Variants in CNKSR3 observed in about 807,000 individuals in gnomAD.
The protein encoded by CNKSR3 is CNKSR family member 3.
CNKSR3 carries 36 observed loss-of-function variants against 67.7 expected under a neutral mutation model. The ratio of observed to expected loss-of-function variants is 0.53; its 90% CI spans 0.41 to 0.70. The LOEUF (loss-of-function observed/expected upper bound fraction) is 0.70, where lower values mean the gene tolerates loss of function less well. CNKSR3 is among the 30% of genes least tolerant of loss of function. The probability of loss-of-function intolerance (pLI) is 0.00; values close to 1 mark genes in which losing one functional copy is unlikely to be tolerated. For synonymous variants in CNKSR3, 281 were observed against 271.4 expected, an observed-to-expected ratio of 1.04 and a Z score of -0.35; for missense variants, 630 against 695.2, an observed-to-expected ratio of 0.91 and a Z score of 1.05.
chr6:154,503,081 C>T (rs560666213), intron 1 of CNKSR3, among the ~76,000 whole-genome samples: 3 of 152,126 alleles, frequency 2.0e-5, no homozygotes, highest in African/African-American at 4.8e-5. Context: ...TTTAGAACTG[C>T]CATGGTTATT....
In CNKSR3 at chr6:154,485,091, CAACTTTTAAGTTCAAAGTACA is replaced by C. The variant is rs561271783; in HGVS notation, c.52+24951_52+24971del. On this transcript the variant is annotated intron_variant, in intron 1 of 12. Transcript: ENST00000607772. Reference sequence around the variant, plus strand: ...TATGGGAATTTTTGGTGGATTTTTTCAACTTTTAAGTTCAAAGTACAAGTTTGAAAACTGACAGCATCTAAA... The same window carrying C: ...TATGGGAATTTTTGGTGGATTTTTTCAGTTTGAAAACTGACAGCATCTAAA... Among the ~76,000 whole-genome samples the C allele has an allele frequency of 5.6e-4, 86 of 152,238 alleles. 3 individuals carry two copies. The South Asian group carries it at 0.017, about 31-fold the overall frequency.
In CNKSR3 at chr6:154,480,868, C is replaced by T. The variant is rs76337611; in HGVS notation, c.52+29195G>A. On this transcript the variant is annotated intron_variant, in intron 1 of 12. Coordinates refer to ENST00000607772, the MANE Select transcript of CNKSR3 (RefSeq NM_173515.4). ...TATCTTTAAGAAATTTATTTGATAG[C>T]AGTCTTATGCTTATTTATTTGATAG... 1.4e-3 allele frequency among the ~76,000 whole-genome samples: 217 copies of T among 152,316 alleles called. 8 individuals carry two copies. The East Asian group carries it at 0.039, about 27-fold the overall frequency.
intron 1 of CNKSR3, among the ~76,000 whole-genome samples, chr6:154,466,455 C>T (rs990759721): frequency 2.0e-5 from 3 of 152,078 alleles, no homozygotes; most frequent in Non-Finnish European, 4.4e-5. Context: ...TATTGTAAAC[C>T]CTGACTGAGG....
chr6:154,460,920 G>A lies in CNKSR3; in HGVS notation c.53-10662C>T, dbSNP rs973779308. 2.6e-5 allele frequency among the ~76,000 whole-genome samples: 4 copies of A among 152,256 alleles called. No individual in the cohort carries two copies. The South Asian group carries it at 6.2e-4, about 24-fold the overall frequency. On this transcript the variant is annotated intron_variant, in intron 1 of 12. Transcript: ENST00000607772. ...AGTGTCAAGTTGGGCGAGTTCTACC[G>A]TATGGAGGTGAGCACATCCATCACT...
chr6:154,474,644 C>T (rs765783835), intron 1 of CNKSR3, among the ~76,000 whole-genome samples: 1 of 152,104 alleles, frequency 6.6e-6, no homozygotes, highest in East Asian at 1.9e-4. Context: ...GGCAGCTGGG[C>T]CATCCGGATG....
At chr6:154,502,376 T>TG (rs5881091) in intron 1 of CNKSR3, among the ~76,000 whole-genome samples, 5 of 151,018 alleles carry the variant, frequency 3.3e-5, no homozygotes, top group African/African-American at 9.7e-5. Flanking sequence ...TTTTTTTTTT[T>TG]AGTAGAGACG....
intron 1 of CNKSR3, among the ~76,000 whole-genome samples, chr6:154,486,289 C>CTTTT (rs1480566559): frequency 4.3e-4 from 64 of 149,950 alleles, no homozygotes; most frequent in African/African-American, 1.5e-3. Context: ...TTTTCTCTCT[C>CTTTT]TCTCTTTTTC....
At chr6:154,420,993 G>C (rs1785132498) in intron 9 of CNKSR3, among the ~76,000 whole-genome samples, 1 of 152,068 alleles carries the variant, frequency 6.6e-6, no homozygotes, top group Non-Finnish European at 1.5e-5. Flanking sequence ...CTTTATTACT[G>C]TGAGTTTTTG....
chr6:154,441,220 A>C, intron 4 of CNKSR3, 72 bp downstream of exon 4: 2 of 1,166,144 alleles, frequency 1.7e-6, no homozygotes, highest in Non-Finnish European at 2.5e-6. Context: ...CTGCATGAAA[A>C]TCCTTTCAAG....
chr6:154,411,407 G>A (rs1322681485), intron 10 of CNKSR3, among the ~76,000 whole-genome samples: 2 of 152,170 alleles, frequency 1.3e-5, no homozygotes, highest in African/African-American at 4.8e-5. Flanking sequence ...AGCACTTTGG[G>A]AGGCCAAGGC....
At chr6:154,492,352 A>T (rs1403916529) in intron 1 of CNKSR3, among the ~76,000 whole-genome samples, 1 of 152,102 alleles carries the variant, frequency 6.6e-6, no homozygotes, top group Non-Finnish European at 1.5e-5. Context: ...AGTCTCAAAG[A>T]TTTAATACCA....
At chr6:154,419,864 G>A (rs1785103634) in intron 9 of CNKSR3, among the ~76,000 whole-genome samples, 1 of 151,946 alleles carries the variant, frequency 6.6e-6, no homozygotes, top group South Asian at 2.1e-4. Flanking sequence ...CGGAACACCT[G>A]AGGTCAGGAG....
chr6:154,446,013 A>G (rs1378337393), intron 2 of CNKSR3, among the ~76,000 whole-genome samples: 1 of 152,214 alleles, frequency 6.6e-6, no homozygotes, highest in East Asian at 1.9e-4. Context: ...CTCAGACCAG[A>G]TTAATTATTT....
At position 154,449,310 on chromosome 6, in the gene CNKSR3, A is replaced by G. The variant is rs371477070; in HGVS notation, c.216+785T>C. Among the ~76,000 whole-genome samples, 795 of 152,328 alleles carry G rather than the reference A, an allele frequency of 5.2e-3. 5 individuals are homozygous for G. Among genetic ancestry groups the G allele is most frequent in the East Asian group, 0.038 (195 of 5,188 alleles). ...AAATCAGAACCTATTTCTCACTTCA[A>G]TTTAGAAGATGACATTTTCTTTTCT... is the stretch of plus-strand genomic sequence containing the variant. On this transcript the variant is annotated intron_variant, in intron 2 of 12. Coordinates refer to ENST00000607772, the MANE Select transcript of CNKSR3 (RefSeq NM_173515.4).
rs1034520723 is a variant in CNKSR3, at chr6:154,391,205, C to A, written c.*15149G>T. 1 of 151,956 alleles carries A rather than the reference C, an allele frequency of 6.6e-6. No individual in the cohort carries two copies. Among genetic ancestry groups the A allele is most frequent in the African/African-American group, 2.4e-5 (1 of 41,362 alleles). 9.4% of individuals were successfully genotyped at this position (151,956 alleles called of 1,614,324 possible). On this transcript the variant is annotated 3_prime_UTR_variant, in exon 13 of 13. Transcript: ENST00000607772. Reference sequence around the variant, plus strand: ...TGTGTCCACATGTCCTTGATTGAGCCCACCATAATGACTGCATTTTAACTG... The same window carrying A: ...TGTGTCCACATGTCCTTGATTGAGCACACCATAATGACTGCATTTTAACTG...
At chr6:154,435,173 C>A (rs1280232985) in intron 4 of CNKSR3, among the ~76,000 whole-genome samples, 2 of 151,752 alleles carry the variant, frequency 1.3e-5, no homozygotes, top group Admixed American at 1.3e-4. Flanking sequence ...TTTTTGTATT[C>A]TTTGTAGAGA....
intron 1 of CNKSR3, among the ~76,000 whole-genome samples, chr6:154,499,435 TG>T (rs1207433778): frequency 6.6e-6 from 1 of 152,162 alleles, no homozygotes; most frequent in Non-Finnish European, 1.5e-5. Flanking sequence ...TCTGCAGGTC[TG>T]GGGTGAGGCC....
chr6:154,454,400 T>C (rs865899622), intron 1 of CNKSR3, among the ~76,000 whole-genome samples: 2 of 152,138 alleles, frequency 1.3e-5, no homozygotes, highest in Non-Finnish European at 2.9e-5. Flanking sequence ...AGAATAAAAG[T>C]TGCTGGCTGG....
intron 1 of CNKSR3, 57 bp downstream of exon 1, chr6:154,510,006 C>A: frequency 6.3e-7 from 1 of 1,595,308 alleles, no homozygotes; most frequent in Non-Finnish European, 8.6e-7. Flanking sequence ...TCCCCAGCTC[C>A]TCGTCCGCCC....
Sources: allele counts gnomAD v4.1 joint callset (sites outside exome capture counted in the v4.1 genomes callset), GRCh38; gene constraint gnomAD v4.1.1; transcripts MANE v1.5; gene names NCBI Gene and HGNC (gene_info 2026-07-23, HGNC 2026-07-21).